The following GABRB1 variants were observed in gnomAD, a reference collection of about 807,000 sequenced individuals.
The protein encoded by GABRB1 is gamma-aminobutyric acid receptor subunit beta-1.
In GABRB1, 17 loss-of-function variants were observed where a neutral mutation model predicts 51.6. The ratio of observed to expected loss-of-function variants is 0.33; its 90% CI spans 0.23 to 0.49. The LOEUF (loss-of-function observed/expected upper bound fraction) is 0.49. GABRB1 is among the 20% of genes least tolerant of loss of function. The probability of loss-of-function intolerance (pLI) is 0.99; values close to 1 mark genes in which losing one functional copy is unlikely to be tolerated. For synonymous variants in GABRB1, 247 were observed against 218.9 expected (o/e 1.13, Z -1.14); for missense variants, 410 against 600.6 (o/e 0.68, Z 3.32).
intron 5 of GABRB1, among the ~76,000 whole-genome samples, chr4:47,384,361 C>T (rs1578137348): frequency 2.0e-5 from 3 of 149,568 alleles, no homozygotes. Context: ...GCTTTATTGA[C>T]AAATCACTAT....
intron 4 of GABRB1, among the ~76,000 whole-genome samples, chr4:47,219,108 G>T (rs185328963): frequency 3.6e-4 from 54 of 151,954 alleles, no homozygotes. Flanking sequence ...TTGAAAAGAA[G>T]AGTAGTATTT....
chr4:47,327,644 C>T (rs1725307057), intron 5 of GABRB1, among the ~76,000 whole-genome samples: 1 of 152,070 alleles, frequency 6.6e-6, no homozygotes, highest in Non-Finnish European at 1.5e-5. Flanking sequence ...TAACCTAGTC[C>T]TTGTCGTATG....
intron 5 of GABRB1, among the ~76,000 whole-genome samples, chr4:47,373,793 C>T (rs1727290882): frequency 6.6e-6 from 1 of 152,112 alleles, no homozygotes; most frequent in Non-Finnish European, 1.5e-5. Context: ...AATATAGACA[C>T]AGATACATAA....
intron 3 of GABRB1, among the ~76,000 whole-genome samples, chr4:47,109,472 A>G (rs1313830171): frequency 1.3e-5 from 2 of 152,140 alleles, no homozygotes; most frequent in African/African-American, 4.8e-5. Context: ...AACTTCATGC[A>G]GAATGGTAGG....
chr4:47,104,496 T>C (rs1714866589), intron 3 of GABRB1, among the ~76,000 whole-genome samples: 1 of 133,566 alleles, frequency 7.5e-6, no homozygotes, highest in Non-Finnish European at 1.6e-5. Flanking sequence ...AAATACTTTT[T>C]CCTGCTGTCT....
chr4:47,201,054 T>C (rs1352692902), intron 4 of GABRB1, among the ~76,000 whole-genome samples: 1 of 152,166 alleles, frequency 6.6e-6, no homozygotes, highest in Admixed American at 6.6e-5. Flanking sequence ...TTGATGACTA[T>C]ACATCCATGC....
chr4:47,107,679 A>G (rs146988772), intron 3 of GABRB1, among the ~76,000 whole-genome samples: 147 of 152,226 alleles, frequency 9.7e-4, no homozygotes, highest in African/African-American at 3.5e-3. Context: ...TTAAGCCCTT[A>G]GAACAGTGTT....
chr4:47,193,287 T>G (rs1007391534), intron 4 of GABRB1, among the ~76,000 whole-genome samples: 1 of 152,198 alleles, frequency 6.6e-6, no homozygotes. Flanking sequence ...CACACCCAGC[T>G]AATTTTGCAT....
chr4:47,068,216 G>A (rs1727167678), intron 3 of GABRB1, among the ~76,000 whole-genome samples: 1 of 152,120 alleles, frequency 6.6e-6, no homozygotes, highest in East Asian at 1.9e-4. Flanking sequence ...TTAGGTTTTG[G>A]CTTAAAGTAA....
chr4:47,269,935 TACACACACACACACAC>T (rs10639386), intron 4 of GABRB1, among the ~76,000 whole-genome samples: 1 of 135,970 alleles, frequency 7.4e-6, no homozygotes, highest in Admixed American at 7.5e-5. Context: ...CAACTCTCCC[TACACACACACACACAC>T]ACACACACAC....
chr4:47,074,426 T>G (rs1727467260), intron 3 of GABRB1, among the ~76,000 whole-genome samples: 1 of 152,204 alleles, frequency 6.6e-6, no homozygotes, highest in Non-Finnish European at 1.5e-5. Context: ...CTGAAATGCC[T>G]TGCATACAAA....
chr4:47,105,546 T>C (rs1236150397), intron 3 of GABRB1, among the ~76,000 whole-genome samples: 1 of 152,146 alleles, frequency 6.6e-6, no homozygotes, highest in Non-Finnish European at 1.5e-5. Context: ...CATGTTATAT[T>C]CCTGTTCCTT....
chr4:47,129,945 T>G (rs915592547), intron 3 of GABRB1, among the ~76,000 whole-genome samples: 4 of 152,218 alleles, frequency 2.6e-5, no homozygotes, highest in Non-Finnish European at 4.4e-5. Context: ...ATAATCTGCC[T>G]TTACTTTTCA....
At chr4:47,350,206 TATATATATATATAGAG>T (rs1353209316) in intron 5 of GABRB1, among the ~76,000 whole-genome samples, 9 of 93,616 alleles carry the variant, frequency 9.6e-5, no homozygotes, top group African/African-American at 9.2e-5. Context: ...TATATATATA[TATATATATATATAGAG>T]AGAGAGAGAG....
At chr4:47,360,645 T>G (rs1357001097) in intron 5 of GABRB1, among the ~76,000 whole-genome samples, 1 of 152,148 alleles carries the variant, frequency 6.6e-6, no homozygotes, top group Non-Finnish European at 1.5e-5. Context: ...ACAAATAGCA[T>G]GACTACTATT....
At chr4:47,360,411 T>A (rs1726762817) in intron 5 of GABRB1, among the ~76,000 whole-genome samples, 2 of 151,990 alleles carry the variant, frequency 1.3e-5, no homozygotes, top group Non-Finnish European at 2.9e-5. Context: ...GAATCCAGCC[T>A]CTTTTCATAT....
Position 47,370,177 on chromosome 4 carries a change from C to A in GABRB1, c.545-33141C>A, listed in dbSNP as rs547212919. Among the ~76,000 whole-genome samples the A allele has an allele frequency of 7.9e-5, 12 of 152,256 alleles. No homozygotes were observed. The South Asian group carries it at 1.9e-3, about 24-fold the overall frequency. ...TGTTTATAATTTGGTTTAAAAAAAT[C>A]TTTCTGCATCTTAGTAAGGCATTTT... On this transcript the variant is annotated intron_variant, in intron 5 of 8. Transcript: ENST00000295454.
At chr4:47,292,406 A>T (rs1723780552) in intron 4 of GABRB1, among the ~76,000 whole-genome samples, 8 of 152,254 alleles carry the variant, frequency 5.3e-5, no homozygotes, top group Admixed American at 4.6e-4. Flanking sequence ...AGTTTACTTT[A>T]AAAAATTTAC....
At chr4:47,001,170 T>C (rs909315008) in intron 1 of GABRB1, among the ~76,000 whole-genome samples, 5 of 152,072 alleles carry the variant, frequency 3.3e-5, no homozygotes, top group African/African-American at 1.2e-4. Flanking sequence ...TGAGATGGAG[T>C]CTCGCTCTGT....
Sources: gnomAD v4.1 joint callset for allele counts (sites outside exome capture counted in the v4.1 genomes callset) on GRCh38, gnomAD v4.1.1 for gene constraint, MANE v1.5 for transcripts, NCBI Gene and HGNC (gene_info 2026-07-23, HGNC 2026-07-21) for gene names.